The following RNF180 variants were observed in gnomAD, a reference collection of about 807,000 sequenced individuals.
The protein encoded by RNF180 is E3 ubiquitin-protein ligase RNF180.
RNF180 carries 38 observed loss-of-function variants against 59.2 expected under a neutral mutation model. The ratio of observed to expected loss-of-function variants is 0.64; its 90% confidence interval spans 0.50 to 0.84. The LOEUF (loss-of-function observed/expected upper bound fraction) is 0.84, where lower values mean the gene tolerates loss of function less well. Among genes scored for constraint, RNF180 ranks in the 40% least tolerant of loss-of-function variants. The pLI, the probability that RNF180 is intolerant of heterozygous loss-of-function variation, is 0.00. For missense variants in RNF180, 705 were observed against 700.9 expected (o/e 1.01, Z -0.07); for synonymous variants, 262 against 240.3 (o/e 1.09, Z -0.84).
At chr5:64,216,809 T>C (rs1752655357) in intron 4 of RNF180, among the ~76,000 whole-genome samples, 1 of 152,208 alleles carries the variant, frequency 6.6e-6, no homozygotes, top group Non-Finnish European at 1.5e-5. Flanking sequence ...ACCTCTTTTT[T>C]ATCCAGCATA....
At chr5:64,266,175 AT>A (rs1744666599) in intron 5 of RNF180, among the ~76,000 whole-genome samples, 1 of 152,174 alleles carries the variant, frequency 6.6e-6, no homozygotes, top group Non-Finnish European at 1.5e-5. Context: ...AACAGAGACA[AT>A]TTGACTTCCT....
intron 5 of RNF180, among the ~76,000 whole-genome samples, chr5:64,218,534 A>G (rs1752751944): frequency 1.3e-5 from 2 of 152,162 alleles, no homozygotes; most frequent in Admixed American, 1.3e-4. Flanking sequence ...TTCTTTTTCA[A>G]AATGGTTTAG....
At chr5:64,169,018 C>G (rs1034903102) in intron 1 of RNF180, among the ~76,000 whole-genome samples, 86 of 152,262 alleles carry the variant, frequency 5.6e-4, no homozygotes, top group African/African-American at 2.1e-3. Flanking sequence ...CTTAAGGTTA[C>G]TTTTAAGTGT....
intron 5 of RNF180, among the ~76,000 whole-genome samples, chr5:64,285,473 G>A (rs913350284): frequency 1.3e-5 from 2 of 150,706 alleles, no homozygotes; most frequent in Admixed American, 6.6e-5. Flanking sequence ...GCAGGCAAGT[G>A]CATGCCAGCA....
At chr5:64,340,002 A>G (rs747059664) in intron 7 of RNF180, among the ~76,000 whole-genome samples, 2 of 152,134 alleles carry the variant, frequency 1.3e-5, no homozygotes, top group Middle Eastern at 3.2e-3. Context: ...TGACTCTGTC[A>G]ATTGTAATTC....
At chr5:64,343,688 G>A (rs1745446472) in intron 7 of RNF180, among the ~76,000 whole-genome samples, 1 of 151,678 alleles carries the variant, frequency 6.6e-6, no homozygotes, top group East Asian at 2.0e-4. Context: ...ACCAAATGGT[G>A]GAATAACATC....
chr5:64,356,799 A>C (rs1580304894), intron 7 of RNF180, among the ~76,000 whole-genome samples: 2 of 152,034 alleles, frequency 1.3e-5, no homozygotes, highest in South Asian at 4.1e-4. Flanking sequence ...GAAAGAAAGC[A>C]GAATAGAGAT....
At chr5:64,348,530 T>A (rs921898681) in intron 7 of RNF180, among the ~76,000 whole-genome samples, 1 of 152,094 alleles carries the variant, frequency 6.6e-6, no homozygotes, top group Non-Finnish European at 1.5e-5. Context: ...CAACTTCCTT[T>A]CAAATGAGCA....
At chr5:64,207,392 C>T (rs1752069129) in intron 2 of RNF180, among the ~76,000 whole-genome samples, 1 of 152,020 alleles carries the variant, frequency 6.6e-6, no homozygotes, top group South Asian at 2.1e-4. Flanking sequence ...AGATTCAGGA[C>T]CAGCGTGTTC....
At chr5:64,289,574 T>C (rs1376234034) in intron 5 of RNF180, among the ~76,000 whole-genome samples, 1 of 152,174 alleles carries the variant, frequency 6.6e-6, no homozygotes, top group African/African-American at 2.4e-5. Flanking sequence ...CAGAACTCAT[T>C]ATTGGTCTAT....
At chr5:64,331,964 C>A (rs1352210695) in intron 7 of RNF180, among the ~76,000 whole-genome samples, 1 of 152,084 alleles carries the variant, frequency 6.6e-6, no homozygotes, top group Admixed American at 6.5e-5. Context: ...CTCATCCAGC[C>A]ACAGCCACAC....
At chr5:64,309,137 C>T (rs971866270) in intron 5 of RNF180, among the ~76,000 whole-genome samples, 2 of 151,532 alleles carry the variant, frequency 1.3e-5, no homozygotes, top group African/African-American at 2.4e-5. Flanking sequence ...ATTTAACAGT[C>T]ATAGGAACAA....
chr5:64,218,021 A>G (rs1193527405), intron 5 of RNF180, among the ~76,000 whole-genome samples: 1 of 152,114 alleles, frequency 6.6e-6, no homozygotes, highest in African/African-American at 2.4e-5. Context: ...TTGGGATACA[A>G]GTGTTTCATT....
At chr5:64,358,316 C>G (rs1256104599) in intron 7 of RNF180, among the ~76,000 whole-genome samples, 1 of 151,820 alleles carries the variant, frequency 6.6e-6, no homozygotes, top group Non-Finnish European at 1.5e-5. Context: ...ATTGGACAAT[C>G]ATTTTCATTG....
At chr5:64,339,357 ATAAATTTCCCTTC>A (rs1489155752) in intron 7 of RNF180, among the ~76,000 whole-genome samples, 4 of 152,138 alleles carry the variant, frequency 2.6e-5, no homozygotes, top group African/African-American at 4.8e-5. Context: ...ACTTAAGGCT[ATAAATTTCCCTTC>A]ATCACTTGTA....
intron 2 of RNF180, among the ~76,000 whole-genome samples, chr5:64,211,631 C>G (rs1438039885): frequency 6.6e-6 from 1 of 152,142 alleles, no homozygotes; most frequent in Non-Finnish European, 1.5e-5. Context: ...GTTCCTCCAT[C>G]TTTCTGCACA....
At chr5:64,363,334 A>G (rs1746327019) in intron 7 of RNF180, among the ~76,000 whole-genome samples, 1 of 151,882 alleles carries the variant, frequency 6.6e-6, no homozygotes, top group African/African-American at 2.4e-5. Flanking sequence ...TCCGAGCACC[A>G]TTTATTGAAG....
rs181597042 is a variant in RNF180 at position 64,265,739 on chromosome 5, G to A, written c.1227+48343G>A. 3.4e-3 allele frequency among the ~76,000 whole-genome samples: 518 copies of A among 152,244 alleles called. 2 individuals are homozygous for A. The highest frequency in any genetic ancestry group is 0.011 in the African/African-American group (470 of 41,552). ...TTTTTGGTGCCATATGAAATTTAAA[G>A]TAGTTTTTTCTAATTCTGTGAAAAA... is the stretch of plus-strand genomic sequence containing the variant. On this transcript the variant is annotated intron_variant, in intron 5 of 7. Coordinates refer to ENST00000389100, the MANE Select transcript of RNF180 (RefSeq NM_001113561.2).
chr5:64,277,194 GAA>G (rs35030133), intron 5 of RNF180, among the ~76,000 whole-genome samples: 2 of 134,542 alleles, frequency 1.5e-5, no homozygotes, highest in East Asian at 2.2e-4. Flanking sequence ...AAAAAAAGGG[GAA>G]AAAAAAAAAA....
Sources: gnomAD v4.1 joint callset for allele counts (sites outside exome capture counted in the v4.1 genomes callset) on GRCh38, gnomAD v4.1.1 for gene constraint, MANE v1.5 for transcripts, NCBI Gene and HGNC (gene_info 2026-07-23, HGNC 2026-07-21) for gene names.